The following HS3ST5 variants were observed in gnomAD, a reference collection of about 807,000 sequenced individuals.
HS3ST5 encodes the protein heparan sulfate-glucosamine 3-sulfotransferase 5.
Under a neutral mutation model 25.4 loss-of-function variants are expected in HS3ST5, and 10 were observed. That is an observed-to-expected ratio of 0.39 (90% CI 0.24 to 0.67). HS3ST5 has a LOEUF of 0.67. Among genes scored for constraint, HS3ST5 ranks in the 30% least tolerant of loss-of-function variants. HS3ST5 has a pLI of 0.44. For synonymous variants in HS3ST5, 170 were observed against 162.4 expected, an observed-to-expected ratio of 1.05 and a Z score of -0.36; for missense variants, 324 against 420.7, an observed-to-expected ratio of 0.77 and a Z score of 2.01.
chr6:114,250,369 C>G (rs1179924995), intron 1 of HS3ST5, among the ~76,000 whole-genome samples: 2 of 152,114 alleles, frequency 1.3e-5, no homozygotes, highest in Non-Finnish European at 2.9e-5. Context: ...ATCACAAGGT[C>G]AGAAGATCGA....
At chr6:114,341,185 AGG>A in intron 1 of HS3ST5, among the ~76,000 whole-genome samples, 2 of 130,952 alleles carry the variant, frequency 1.5e-5, no homozygotes, top group Non-Finnish European at 3.2e-5. Context: ...GGAGAGGGAG[AGG>A]GAGAGGGAGA....
At chr6:114,340,876 C>A (rs1442007923) in intron 1 of HS3ST5, 2 of 151,922 alleles carry the variant, frequency 1.3e-5, no homozygotes, top group Non-Finnish European at 2.9e-5. Context: ...CTAAGTAAAA[C>A]CTTTGAGAAG....
intron 3 of HS3ST5, among the ~76,000 whole-genome samples, chr6:114,147,508 T>C (rs946488287): frequency 1.3e-5 from 2 of 152,192 alleles, no homozygotes; most frequent in African/African-American, 4.8e-5. Flanking sequence ...AATAACCTAG[T>C]GCAGCAGAAC....
intron 3 of HS3ST5, among the ~76,000 whole-genome samples, chr6:114,126,517 C>T (rs299421): frequency 0.86 from 131,354 of 152,214 alleles, 56,882 homozygotes; most frequent in Non-Finnish European, 0.9. Flanking sequence ...ATTACTTAAG[C>T]ATTCTTGGGA....
intron 1 of HS3ST5, among the ~76,000 whole-genome samples, chr6:114,262,875 A>T (rs1268542560): frequency 1.3e-5 from 2 of 152,158 alleles, no homozygotes; most frequent in Non-Finnish European, 2.9e-5. Flanking sequence ...TCCTTTGGAA[A>T]TATATTGAAT....
chr6:114,112,363 T>G (rs947388190), intron 3 of HS3ST5: 1 of 152,286 alleles, frequency 6.6e-6, no homozygotes, highest in African/African-American at 2.4e-5. Context: ...AGCCAAGAGA[T>G]GAGCTCCAGA....
intron 2 of HS3ST5, among the ~76,000 whole-genome samples, chr6:114,173,726 G>A (rs546188066): frequency 7.9e-5 from 12 of 152,138 alleles, no homozygotes; most frequent in Non-Finnish European, 1.2e-4. Flanking sequence ...GGACGTAGTC[G>A]CGGGTACCTG....
intron 3 of HS3ST5, among the ~76,000 whole-genome samples, chr6:114,148,904 C>T (rs1431494925): frequency 6.6e-6 from 1 of 152,164 alleles, no homozygotes; most frequent in East Asian, 1.9e-4. Context: ...AAAACAACCC[C>T]ATCAAAAAGT....
At chr6:114,285,336 G>A (rs1479959041) in intron 1 of HS3ST5, among the ~76,000 whole-genome samples, 1 of 151,820 alleles carries the variant, frequency 6.6e-6, no homozygotes, top group Non-Finnish European at 1.5e-5. Context: ...AATAACTAAT[G>A]GGCAGTAAGC....
chr6:114,307,201 A>G (rs1193669470), intron 1 of HS3ST5, among the ~76,000 whole-genome samples: 1 of 152,160 alleles, frequency 6.6e-6, no homozygotes, highest in Non-Finnish European at 1.5e-5. Context: ...TGATTCTGAA[A>G]CCTGTATGAG....
intron 1 of HS3ST5, among the ~76,000 whole-genome samples, chr6:114,303,940 T>C (rs1048880353): frequency 2.6e-5 from 4 of 152,118 alleles, no homozygotes; most frequent in African/African-American, 9.7e-5. Flanking sequence ...GGAGAGTTTA[T>C]AAAACCACAG....
At chr6:114,124,187 C>T (rs1039469087) in intron 3 of HS3ST5, among the ~76,000 whole-genome samples, 11 of 152,286 alleles carry the variant, frequency 7.2e-5, no homozygotes, top group Admixed American at 4.6e-4. Context: ...CCACCATGGA[C>T]CTGATACCTT....
chr6:114,057,849 T>A lies in HS3ST5; in HGVS notation c.449A>T (p.Gln150Leu). ...TGCTGGGCTCTTTTCAATTGTGATT[T>A]GCTGAGGGTAGGAAAAAGGCATCTT... The part of the protein sequence containing the change: ...RKKMPFSYPQ[Q>L]ITIEKSPAYF... Residue 150 changes from glutamine to leucine, a missense_variant, in exon 5 of 5, where the codon CAA (glutamine) becomes CTA (leucine). Physicochemically the swap from Gln to Leu is moderately radical, Grantham distance 113. This residue lies in a region of HS3ST5 where 203 missense variants were observed against 303.4 expected (regional missense o/e 0.67). Transcript: ENST00000312719. 1 of 1,614,160 alleles carries A rather than the reference T, an allele frequency of 6.2e-7. No individual in the cohort carries two copies. Among genetic ancestry groups the A allele is most frequent in the Non-Finnish European group, 8.5e-7 (1 of 1,180,016 alleles).
intron 1 of HS3ST5, among the ~76,000 whole-genome samples, chr6:114,259,474 A>G (rs766168460): frequency 1.3e-5 from 2 of 152,222 alleles, no homozygotes; most frequent in Non-Finnish European, 2.9e-5. Flanking sequence ...GTCTCCACAG[A>G]TCATCCTGTT....
At chr6:114,190,352 C>T (rs906698246) in intron 2 of HS3ST5, among the ~76,000 whole-genome samples, 2 of 152,154 alleles carry the variant, frequency 1.3e-5, no homozygotes, top group African/African-American at 4.8e-5. Flanking sequence ...TTCTCCACTT[C>T]TGGTTTTAGA....
intron 2 of HS3ST5, among the ~76,000 whole-genome samples, chr6:114,185,862 C>G (rs974133446): frequency 1.3e-5 from 2 of 151,954 alleles, no homozygotes; most frequent in African/African-American, 4.8e-5. Flanking sequence ...CTTCAGCCTC[C>G]TGAGCAGCTG....
At chr6:114,225,278 G>A (rs1782240357) in intron 2 of HS3ST5, among the ~76,000 whole-genome samples, 1 of 151,780 alleles carries the variant, frequency 6.6e-6, no homozygotes, top group Non-Finnish European at 1.5e-5. Flanking sequence ...GGCATTGAAG[G>A]AAAGTTTGTA....
At chr6:114,249,842 T>G (rs1054285139) in intron 1 of HS3ST5, among the ~76,000 whole-genome samples, 1 of 152,092 alleles carries the variant, frequency 6.6e-6, no homozygotes, top group African/African-American at 2.4e-5. Flanking sequence ...TTCCCAAAAT[T>G]CCAGACACAC....
intron 2 of HS3ST5, among the ~76,000 whole-genome samples, chr6:114,206,077 C>T (rs546199781): frequency 3.8e-4 from 58 of 152,320 alleles, no homozygotes; most frequent in African/African-American, 1.3e-3. Flanking sequence ...TCCCTCTTCA[C>T]TCTTGAGTCA....
Sources: allele counts gnomAD v4.1 joint callset (sites outside exome capture counted in the v4.1 genomes callset), GRCh38; gene constraint gnomAD v4.1.1; regional missense constraint gnomAD v4.1.1; transcripts MANE v1.5; gene names NCBI Gene and HGNC (gene_info 2026-07-23, HGNC 2026-07-21).